The following FMN1 variants were observed in gnomAD, a reference collection of about 807,000 sequenced individuals.
The protein encoded by FMN1 is formin 1.
Under a neutral mutation model 132.4 loss-of-function variants are expected in FMN1, and 110 were observed. The observed-to-expected ratio is 0.83, with a 90% CI of 0.71 to 0.97. The LOEUF (loss-of-function observed/expected upper bound fraction) is 0.97, where lower values mean the gene tolerates loss of function less well. FMN1 is among the 50% of genes least tolerant of loss of function. The pLI, the probability that FMN1 is intolerant of heterozygous loss-of-function variation, is 0.00. For missense variants in FMN1, 1,792 were observed against 1,705.3 expected, an observed-to-expected ratio of 1.05 and a Z score of -0.90; for synonymous variants, 722 against 651.7, an observed-to-expected ratio of 1.11 and a Z score of -1.64.
At chr15:33,030,053 G>C (rs1215174947) in intron 6 of FMN1, among the ~76,000 whole-genome samples, 1 of 152,196 alleles carries the variant, frequency 6.6e-6, no homozygotes, top group Non-Finnish European at 1.5e-5. Context: ...AGCTACTCGG[G>C]AGGCCGAGGC....
intron 6 of FMN1, among the ~76,000 whole-genome samples, chr15:33,009,113 G>C (rs2034571937): frequency 6.6e-6 from 1 of 152,190 alleles, no homozygotes; most frequent in Non-Finnish European, 1.5e-5. Flanking sequence ...CTGTTGTGGG[G>C]AAGGTGCTCC....
rs896577296 is a variant in FMN1, at chr15:33,078,177, C to G, written c.2043+10622G>C. Among the ~76,000 whole-genome samples, 6 of 152,158 alleles carry G rather than the reference C, an allele frequency of 3.9e-5. 1 individual carries two copies. The East Asian group carries it at 1.2e-3, about 29-fold the overall frequency. On this transcript the variant is annotated intron_variant, in intron 5 of 20. Coordinates refer to ENST00000616417, the MANE Select transcript of FMN1 (RefSeq NM_001277313.2). ...TTTAACGTCTCTAAGATAGCATCCA[C>G]GCGTAAAATGGGAAAAATAATACTT...
chr15:32,786,310 T>C (rs1480960503), intron 19 of FMN1, among the ~76,000 whole-genome samples: 1 of 152,174 alleles, frequency 6.6e-6, no homozygotes, highest in Non-Finnish European at 1.5e-5. Flanking sequence ...GAATGGTGAA[T>C]AAGGTTTCCG....
intron 5 of FMN1, among the ~76,000 whole-genome samples, chr15:33,068,857 G>A (rs1205642164): frequency 2.6e-5 from 4 of 152,186 alleles, no homozygotes; most frequent in African/African-American, 7.2e-5. Flanking sequence ...AGGCTCCGCA[G>A]GAATGATTAC....
At chr15:33,137,563 G>A (rs1396817796) in intron 4 of FMN1, among the ~76,000 whole-genome samples, 1 of 152,152 alleles carries the variant, frequency 6.6e-6, no homozygotes, top group African/African-American at 2.4e-5. Flanking sequence ...CCAAAGAAGT[G>A]TCCACATTTC....
rs2140649728 is a variant in FMN1 at position 32,968,718 on chromosome 15, T to C, written c.2983A>G (p.Arg995Gly). 2 of 1,613,658 alleles carry C rather than the reference T, an allele frequency of 1.2e-6. No homozygotes were observed. The highest frequency in any genetic ancestry group is 2.2e-5 in the East Asian group (1 of 44,874). Residue 995 changes from arginine (R) to glycine (G), a missense_variant, in exon 8 of 21, where the codon AGG becomes GGG. This residue lies in a region of FMN1 where 1,150 missense variants were observed against 1,043.1 expected (regional missense o/e 1.10). Transcript: ENST00000616417. Reference protein sequence around the residue: ...LYWTRIQISDRSQNATPTLWD... With the variant: ...LYWTRIQISDGSQNATPTLWD... ...ATGGGATAGGGGAGAACTTACCTCC[T>C]ATCACTTATTTGTATCCTAGTCCAA...
At chr15:32,872,038 CTCT>C (rs1027023995) in intron 16 of FMN1, among the ~76,000 whole-genome samples, 11 of 150,962 alleles carry the variant, frequency 7.3e-5, no homozygotes, top group South Asian at 2.1e-4. Context: ...ATGAAAGTAG[CTCT>C]TTTTTTTTTT....
At chr15:33,179,197 A>C (rs1965614284) in intron 3 of FMN1, among the ~76,000 whole-genome samples, 1 of 152,226 alleles carries the variant, frequency 6.6e-6, no homozygotes, top group South Asian at 2.1e-4. Context: ...CAATAGGAGA[A>C]TAACAGAATA....
intron 4 of FMN1, among the ~76,000 whole-genome samples, chr15:33,125,406 TC>T (rs1463870961): frequency 6.6e-6 from 1 of 151,814 alleles, no homozygotes; most frequent in African/African-American, 2.4e-5. Flanking sequence ...GGTAGACTCT[TC>T]CTAGATGTAC....
intron 6 of FMN1, among the ~76,000 whole-genome samples, chr15:33,022,476 C>CA (rs1177509517): frequency 6.6e-6 from 1 of 152,180 alleles, no homozygotes; most frequent in Admixed American, 6.5e-5. Flanking sequence ...GAGGAACTTC[C>CA]AATCTGATGT....
At chr15:32,969,509 T>C (rs775227418) in intron 7 of FMN1, 32 bp from the exon 8 acceptor site, 4 of 1,602,430 alleles carry the variant, frequency 2.5e-6, no homozygotes, top group Non-Finnish European at 3.4e-6. Flanking sequence ...AAGAAAGTAA[T>C]GAGTTTATTA....
rs78613413 is a variant in FMN1 at position 32,925,069 on chromosome 15, C to A, written c.3226+1105G>T. Reference sequence around the variant, plus strand: ...TCTAGATACTAATAAAAAATATGTGCACACAAAATCTCTTCTCTTTAAATG... The same window carrying A: ...TCTAGATACTAATAAAAAATATGTGAACACAAAATCTCTTCTCTTTAAATG... On this transcript the variant is annotated intron_variant, in intron 10 of 20. Transcript: ENST00000616417. Among the ~76,000 whole-genome samples the A allele has an allele frequency of 8.4e-3, 1,286 of 152,238 alleles. 15 individuals carry two copies. The highest frequency in any genetic ancestry group is 0.03 in the African/African-American group (1,227 of 41,542).
chr15:32,950,606 C>T (rs2061630020), intron 9 of FMN1, among the ~76,000 whole-genome samples: 1 of 152,134 alleles, frequency 6.6e-6, no homozygotes, highest in African/African-American at 2.4e-5. Flanking sequence ...CCACATACTA[C>T]ATTTTTTCAC....
intron 4 of FMN1, among the ~76,000 whole-genome samples, chr15:33,098,127 G>C (rs774385932): frequency 6.6e-6 from 1 of 152,168 alleles, no homozygotes. Context: ...ACTTGGAAAT[G>C]AGACCATACA....
intron 3 of FMN1, among the ~76,000 whole-genome samples, chr15:33,164,580 G>C (rs1484241220): frequency 6.6e-6 from 1 of 152,126 alleles, no homozygotes; most frequent in Non-Finnish European, 1.5e-5. Context: ...CAAAGACGTC[G>C]AGGAATTCTT....
chr15:32,913,169 T>C lies in FMN1; in HGVS notation c.3227-2634A>G, dbSNP rs532965736. 1.7e-4 allele frequency among the ~76,000 whole-genome samples: 26 copies of C among 152,226 alleles called. No individual in the cohort carries two copies. The East Asian group carries it at 4.4e-3, about 26-fold the overall frequency. On this transcript the variant is annotated intron_variant, in intron 10 of 20. Transcript: ENST00000616417. ...CAAGACCCAACTTCAGAAAGCATTA[T>C]TAACAGGAAAGGTCTATGACACAGA... is the stretch of plus-strand genomic sequence containing the variant.
At chr15:33,120,316 C>T (rs977459666) in intron 4 of FMN1, among the ~76,000 whole-genome samples, 5 of 152,162 alleles carry the variant, frequency 3.3e-5, no homozygotes, top group African/African-American at 1.2e-4. Context: ...ACTCCAGTCA[C>T]TTTATTCTCC....
chr15:32,931,876 T>A (rs988269129), intron 9 of FMN1, among the ~76,000 whole-genome samples: 1 of 152,210 alleles, frequency 6.6e-6, no homozygotes, highest in Non-Finnish European at 1.5e-5. Context: ...CTAAAGAATA[T>A]TTCCTTCTTT....
At position 32,962,780 on chromosome 15, in the gene FMN1, A is replaced by G. The variant is rs1432716259; in HGVS notation, c.3138+1327T>C. Among the ~76,000 whole-genome samples, 4 of 151,582 alleles carry G rather than the reference A, an allele frequency of 2.6e-5. No individual in the cohort carries two copies. The East Asian group carries it at 7.7e-4, about 29-fold the overall frequency. ...CTGGCCATCAGAGAAATGCAAATCA[A>G]AACCACAATGAGATACCATCTCAAA... On this transcript the variant is annotated intron_variant, in intron 9 of 20. Transcript: ENST00000616417.
Sources: allele counts gnomAD v4.1 joint callset (sites outside exome capture counted in the v4.1 genomes callset), GRCh38; gene constraint gnomAD v4.1.1; regional missense constraint gnomAD v4.1.1; transcripts MANE v1.5; gene names NCBI Gene and HGNC (gene_info 2026-07-23, HGNC 2026-07-21).